Variants in CSMD1 observed in about 807,000 individuals in gnomAD.
The protein encoded by CSMD1 is CUB and sushi domain-containing protein 1.
CSMD1 carries 213 observed loss-of-function variants against 417.5 expected under a neutral mutation model. The ratio of observed to expected loss-of-function variants is 0.51; its 90% confidence interval spans 0.46 to 0.57. The LOEUF (loss-of-function observed/expected upper bound fraction) is 0.57, where lower values mean the gene tolerates loss of function less well. Among genes scored for constraint, CSMD1 ranks in the 20% least tolerant of loss-of-function variants. The pLI, the probability that CSMD1 is intolerant of heterozygous loss-of-function variation, is 0.00. For synonymous variants in CSMD1, 2,862 were observed against 1,736.8 expected (o/e 1.65, Z -16.11); for missense variants, 6,923 against 4,529.7 (o/e 1.53, Z -15.17).
intron 5 of CSMD1, among the ~76,000 whole-genome samples, chr8:3,824,038 A>C (rs1801901043): frequency 6.6e-6 from 1 of 152,126 alleles, no homozygotes. Flanking sequence ...CTCTGCCCAA[A>C]AGTCTGATAT....
At chr8:3,341,139 T>TG (rs1346294285) in intron 23 of CSMD1, among the ~76,000 whole-genome samples, 7 of 152,152 alleles carry the variant, frequency 4.6e-5, no homozygotes, top group Admixed American at 1.3e-4. Context: ...ACAGTATCCA[T>TG]GTGGGGTCCA....
At chr8:4,708,068 G>A (rs1808063159) in intron 1 of CSMD1, among the ~76,000 whole-genome samples, 1 of 152,086 alleles carries the variant, frequency 6.6e-6, no homozygotes, top group Admixed American at 6.5e-5. Flanking sequence ...CTCAGCCTCT[G>A]CAGTAGCTGG....
Position 3,289,267 on chromosome 8 carries a change from A to C in CSMD1, c.3951-4921T>G, listed in dbSNP as rs1396787865. ...TTGGTTCCACGTCTTTGCTATTGTG[A>C]ATAGTGCCGCTATAAACATACGTGT... is the stretch of plus-strand genomic sequence containing the variant. On this transcript the variant is annotated intron_variant, in intron 25 of 69. Transcript: ENST00000635120. Among the ~76,000 whole-genome samples the C allele has an allele frequency of 2.0e-5, 3 of 147,302 alleles. 1 individual carries two copies. The highest frequency in any genetic ancestry group is 8.1e-5 in the African/African-American group (3 of 37,016).
rs533798971 is a variant in CSMD1 at position 3,050,463 on chromosome 8, C to T, written c.7660+1999G>A. On this transcript the variant is annotated intron_variant, in intron 50 of 69. Coordinates refer to ENST00000635120, the MANE Select transcript of CSMD1 (RefSeq NM_033225.6). ...GGCTGTGTGCAAAAGAAACATTGTC[C>T]ATAAATGTCTGGGACATTGTTCTTA... 7.1e-4 allele frequency among the ~76,000 whole-genome samples: 108 copies of T among 152,258 alleles called. 1 individual carries two copies. The highest frequency in any genetic ancestry group is 2.5e-3 in the African/African-American group (105 of 41,570).
chr8:4,180,021 G>C (rs545412119), intron 3 of CSMD1, among the ~76,000 whole-genome samples: 5 of 152,026 alleles, frequency 3.3e-5, no homozygotes, highest in Admixed American at 2.0e-4. Context: ...TCAGTGTGGC[G>C]ATTCCTCAAG....
intron 10 of CSMD1, among the ~76,000 whole-genome samples, chr8:3,542,427 T>C (rs190324077): frequency 3.9e-5 from 6 of 152,328 alleles, no homozygotes; most frequent in Non-Finnish European, 7.3e-5. Flanking sequence ...GTTCTACGAT[T>C]GGATGTGCGT....
chr8:2,993,585 C>G (rs1271868400), intron 54 of CSMD1, among the ~76,000 whole-genome samples: 1 of 151,930 alleles, frequency 6.6e-6, no homozygotes, highest in Non-Finnish European at 1.5e-5. Flanking sequence ...TTTTTTTCAT[C>G]AAAAGCAAGA....
intron 2 of CSMD1, among the ~76,000 whole-genome samples, chr8:4,616,309 G>A (rs772212475): frequency 6.6e-6 from 1 of 152,168 alleles, no homozygotes; most frequent in Non-Finnish European, 1.5e-5. Context: ...GTTTTCTTCA[G>A]GAAAATAATA....
At chr8:4,593,409 CATA>C (rs2130739117) in intron 2 of CSMD1, among the ~76,000 whole-genome samples, 1 of 152,242 alleles carries the variant, frequency 6.6e-6, no homozygotes, top group Non-Finnish European at 1.5e-5. Context: ...GTATTTTTGG[CATA>C]ATGTTTCATT....
rs549906386 is a variant in CSMD1 at position 3,434,446 on chromosome 8, A to G, written c.1562-24841T>C. 1.9e-4 allele frequency among the ~76,000 whole-genome samples: 29 copies of G among 152,346 alleles called. 1 individual carries two copies. The highest frequency in any genetic ancestry group is 3.4e-3 in the Middle Eastern group (1 of 294). On this transcript the variant is annotated intron_variant, in intron 12 of 69. Transcript: ENST00000635120. ...ATATTTGCTTATTCCATACAAGCCT[A>G]TATTAAAGAAAATAGTATCCCTGAC...
intron 5 of CSMD1, among the ~76,000 whole-genome samples, chr8:3,851,116 G>C (rs1370622317): frequency 6.6e-6 from 1 of 152,122 alleles, no homozygotes; most frequent in Non-Finnish European, 1.5e-5. Flanking sequence ...AAGATGAATT[G>C]TTTTCCATGT....
chr8:3,982,723 G>A (rs1318071405), intron 5 of CSMD1, among the ~76,000 whole-genome samples: 2 of 152,062 alleles, frequency 1.3e-5, no homozygotes, highest in Admixed American at 6.5e-5. Flanking sequence ...GGAAGCACCC[G>A]GCATCTGTAG....
intron 3 of CSMD1, among the ~76,000 whole-genome samples, chr8:4,183,265 T>G (rs1175057218): frequency 6.6e-6 from 1 of 152,284 alleles, no homozygotes; most frequent in African/African-American, 2.4e-5. Flanking sequence ...GACTGAAAAT[T>G]TAATTCTGTA....
chr8:3,063,933 A>C (rs970482590), intron 49 of CSMD1, among the ~76,000 whole-genome samples: 5 of 152,194 alleles, frequency 3.3e-5, no homozygotes, highest in Non-Finnish European at 7.3e-5. Context: ...AATGTACTTA[A>C]CACCACTGAA....
chr8:4,044,865 T>C (rs2740903), intron 3 of CSMD1, among the ~76,000 whole-genome samples: 104,234 of 152,076 alleles, frequency 0.69, 36,328 homozygotes, highest in South Asian at 0.8. Context: ...GACTGCACCA[T>C]CCTGAACTTT....
At chr8:4,287,315 G>C (rs972616127) in intron 3 of CSMD1, among the ~76,000 whole-genome samples, 1 of 152,098 alleles carries the variant, frequency 6.6e-6, no homozygotes, top group East Asian at 1.9e-4. Context: ...GATAAATCAA[G>C]CACATCTGGA....
intron 5 of CSMD1, among the ~76,000 whole-genome samples, chr8:3,763,380 T>C (rs1189038592): frequency 6.6e-6 from 1 of 152,264 alleles, no homozygotes; most frequent in South Asian, 2.1e-4. Flanking sequence ...GGCTGGTGCC[T>C]TCCCCATGGT....
chr8:4,309,227 G>C (rs902031425), intron 3 of CSMD1, among the ~76,000 whole-genome samples: 2 of 152,012 alleles, frequency 1.3e-5, no homozygotes, highest in East Asian at 1.9e-4. Flanking sequence ...TTACCGTTAA[G>C]TGCAAGACCC....
chr8:4,595,616 G>A (rs945003094), intron 2 of CSMD1, among the ~76,000 whole-genome samples: 8 of 152,056 alleles, frequency 5.3e-5, no homozygotes, highest in African/African-American at 1.9e-4. Context: ...AGTATAACCA[G>A]TGAAGCTGGG....
Sources: allele counts gnomAD v4.1 joint callset (sites outside exome capture counted in the v4.1 genomes callset), GRCh38; gene constraint gnomAD v4.1.1; transcripts MANE v1.5; gene names NCBI Gene and HGNC (gene_info 2026-07-23, HGNC 2026-07-21).